The following MCPH1 variants were observed in gnomAD, a reference collection of about 807,000 sequenced individuals.
MCPH1 encodes the protein microcephalin.
In MCPH1, 104 loss-of-function variants were observed where a neutral mutation model predicts 84.5. That is an observed-to-expected ratio of 1.23 (90% CI 1.05 to 1.45). MCPH1 has a LOEUF of 1.45. Among genes scored for constraint, MCPH1 ranks in the 40% most tolerant of loss-of-function variants. The pLI is 0.00. For synonymous variants in MCPH1, 514 were observed against 366.8 expected, an observed-to-expected ratio of 1.40 and a Z score of -4.58; for missense variants, 1,498 against 1,005.7, an observed-to-expected ratio of 1.49 and a Z score of -6.62.
intron 9 of MCPH1, among the ~76,000 whole-genome samples, chr8:6,467,606 T>G (rs1807144358): frequency 6.6e-6 from 1 of 152,144 alleles, no homozygotes; most frequent in African/African-American, 2.4e-5. Flanking sequence ...TTTTTTTTGT[T>G]TTGTTTAAAG....
chr8:6,428,490 A>G (rs1388770785), intron 3 of MCPH1, among the ~76,000 whole-genome samples: 2 of 152,198 alleles, frequency 1.3e-5, no homozygotes, highest in African/African-American at 4.8e-5. Flanking sequence ...TCACCTCAAA[A>G]TGAAACTTGC....
intron 3 of MCPH1, among the ~76,000 whole-genome samples, chr8:6,426,605 A>T (rs1357878491): frequency 6.6e-6 from 1 of 152,192 alleles, no homozygotes; most frequent in Admixed American, 6.5e-5. Context: ...CTAGTTTGCC[A>T]TTTTAGGTTA....
chr8:6,582,908 C>A (rs1181911122), intron 12 of MCPH1, among the ~76,000 whole-genome samples: 1 of 152,182 alleles, frequency 6.6e-6, no homozygotes, highest in Admixed American at 6.5e-5. Flanking sequence ...CTTTAAGGTC[C>A]TACTTTTCTT....
At position 6,532,213 on chromosome 8, in the gene MCPH1, T is replaced by C; in HGVS notation, c.2214+32284T>C. 3.4e-6 allele frequency: 4 copies of C among 1,171,740 alleles called. No individual in the cohort carries two copies. The South Asian group carries it at 5.6e-5, about 16-fold the overall frequency. 72.6% of individuals were successfully genotyped at this position (1,171,740 alleles called of 1,614,324 possible). On this transcript the variant is annotated intron_variant, in intron 12 of 13. Coordinates refer to ENST00000344683, the MANE Select transcript of MCPH1 (RefSeq NM_024596.5). ...CTTAATTTCTTATCAATTCATTCCT[T>C]TTCTCCTGTGGTGGTGCTTTCTTTA...
intron 12 of MCPH1, among the ~76,000 whole-genome samples, chr8:6,561,033 C>T (rs2922816): frequency 6.6e-6 from 1 of 152,132 alleles, no homozygotes; most frequent in Non-Finnish European, 1.5e-5. Context: ...AAGCCATTAA[C>T]CATCAGCTTG....
In MCPH1 at chr8:6,487,818, G is replaced by C. The variant is rs1055771727; in HGVS notation, c.2136+6942G>C. On this transcript the variant is annotated intron_variant, in intron 11 of 13. Transcript: ENST00000344683. ...TATACTTCACAGAGTGTTTTCACAT[G>C]CACTGTCTCACTGGATCCTGACAGA... 4.0e-4 allele frequency among the ~76,000 whole-genome samples: 61 copies of C among 152,290 alleles called. 1 individual carries two copies. Among genetic ancestry groups the C allele is most frequent in the African/African-American group, 1.4e-3 (58 of 41,548 alleles).
chr8:6,594,201 C>G (rs1024159068), intron 12 of MCPH1, among the ~76,000 whole-genome samples: 4 of 152,202 alleles, frequency 2.6e-5, no homozygotes, highest in Middle Eastern at 3.2e-3. Flanking sequence ...CAGGTCATAC[C>G]CAAACAGGAG....
At chr8:6,621,776 C>A (rs1000037050) in intron 13 of MCPH1, 85 bp downstream of exon 13, 5 of 1,575,546 alleles carry the variant, frequency 3.2e-6, no homozygotes, top group Non-Finnish European at 3.5e-6. Flanking sequence ...GCTCACACCC[C>A]CTTCCACGCA....
chr8:6,539,151 G>A (rs1350898210), intron 12 of MCPH1, among the ~76,000 whole-genome samples: 2 of 152,172 alleles, frequency 1.3e-5, no homozygotes, highest in East Asian at 3.9e-4. Flanking sequence ...GCGGATTTTG[G>A]GCAGCACTTT....
At chr8:6,440,419 A>C (rs1037603881) in intron 6 of MCPH1, among the ~76,000 whole-genome samples, 4 of 152,148 alleles carry the variant, frequency 2.6e-5, no homozygotes, top group African/African-American at 9.7e-5. Flanking sequence ...AAAGACATAG[A>C]GTCTCCCTGT....
chr8:6,503,390 G>A lies in MCPH1; in HGVS notation c.2214+3461G>A, dbSNP rs1812588941. 1.2e-5 allele frequency: 11 copies of A among 886,052 alleles called. No homozygotes were observed. The East Asian group carries it at 2.0e-4, about 16-fold the overall frequency. The allele number at this position is 886,052 out of a possible 1,614,324, so 54.9% of individuals were successfully genotyped here. On this transcript the variant is annotated intron_variant, in intron 12 of 13. Coordinates refer to ENST00000344683, the MANE Select transcript of MCPH1 (RefSeq NM_024596.5). ...GGAGTAGGCACATGCAGATGATGGTGAGTATAGGATGTGCACTGGCAGAGG... is the reference window on the plus strand; with the variant it reads ...GGAGTAGGCACATGCAGATGATGGTAAGTATAGGATGTGCACTGGCAGAGG...
At chr8:6,467,500 T>G (rs1279999777) in intron 9 of MCPH1, among the ~76,000 whole-genome samples, 1 of 152,236 alleles carries the variant, frequency 6.6e-6, no homozygotes, top group East Asian at 1.9e-4. Flanking sequence ...TTCTGTCACT[T>G]TACTTCCTCA....
At chr8:6,564,161 T>C (rs1825936100) in intron 12 of MCPH1, among the ~76,000 whole-genome samples, 1 of 152,092 alleles carries the variant, frequency 6.6e-6, no homozygotes, top group Non-Finnish European at 1.5e-5. Context: ...TTTGTATTTT[T>C]AGTAGAGACA....
At chr8:6,511,193 G>T (rs1815012183) in intron 12 of MCPH1, among the ~76,000 whole-genome samples, 1 of 152,052 alleles carries the variant, frequency 6.6e-6, no homozygotes, top group African/African-American at 2.4e-5. Flanking sequence ...GTAATTTTAG[G>T]TCCTTTTGTG....
chr8:6,505,170 C>A (rs1386747139), intron 12 of MCPH1, among the ~76,000 whole-genome samples: 1 of 31,484 alleles, frequency 3.2e-5, no homozygotes, highest in Non-Finnish European at 7.9e-5. Context: ...AACTCTATGC[C>A]AAAGAATATA....
At chr8:6,602,765 C>G (rs1213045548) in intron 12 of MCPH1, among the ~76,000 whole-genome samples, 2 of 152,054 alleles carry the variant, frequency 1.3e-5, no homozygotes, top group Admixed American at 6.6e-5. Context: ...ATATTTTACT[C>G]TTTTTAACTC....
intron 11 of MCPH1, among the ~76,000 whole-genome samples, chr8:6,490,517 T>C (rs978565155): frequency 6.6e-6 from 1 of 152,202 alleles, no homozygotes. Flanking sequence ...TGAATTCGGT[T>C]TTAGGGACAA....
At chr8:6,444,371 G>T (rs1803944153) in intron 7 of MCPH1, 22 bp from the exon 8 acceptor site, 13 of 1,613,758 alleles carry the variant, frequency 8.1e-6, no homozygotes, top group Non-Finnish European at 1.1e-5. Context: ...TTAAAAGTTA[G>T]CTCTCCGTTA....
intron 12 of MCPH1, among the ~76,000 whole-genome samples, chr8:6,568,017 T>A (rs1826342732): frequency 1.3e-5 from 2 of 152,236 alleles, no homozygotes; most frequent in African/African-American, 2.4e-5. Flanking sequence ...AACTGACATT[T>A]CAGAGGTTCC....
Sources: allele counts gnomAD v4.1 joint callset (sites outside exome capture counted in the v4.1 genomes callset), GRCh38; gene constraint gnomAD v4.1.1; transcripts MANE v1.5; gene names NCBI Gene and HGNC (gene_info 2026-07-23, HGNC 2026-07-21).